Variants in ERMP1 observed in about 807,000 individuals in gnomAD.
The protein encoded by ERMP1 is Felix-ina.
ERMP1 carries 86 observed loss-of-function variants against 92.0 expected under a neutral mutation model. The ratio of observed to expected loss-of-function variants is 0.93; its 90% CI spans 0.79 to 1.12. The LOEUF (loss-of-function observed/expected upper bound fraction) is 1.12, where lower values mean the gene tolerates loss of function less well. Among genes scored for constraint, ERMP1 ranks in the 50% most tolerant of loss-of-function variants. ERMP1 has a pLI of 0.00. For missense variants in ERMP1, 1,342 were observed against 1,116.3 expected, an observed-to-expected ratio of 1.20 and a Z score of -2.88; for synonymous variants, 530 against 412.8, an observed-to-expected ratio of 1.28 and a Z score of -3.44.
chr9:5,799,422 G>A (rs1226716495), intron 11 of ERMP1, among the ~76,000 whole-genome samples: 1 of 152,108 alleles, frequency 6.6e-6, no homozygotes, highest in Non-Finnish European at 1.5e-5. Flanking sequence ...ACCACTAGAT[G>A]ACAGCCTTGT....
At chr9:5,811,380 T>A (rs1187873094) in intron 6 of ERMP1, 57 bp from the exon 7 acceptor site, 1 of 1,346,022 alleles carries the variant, frequency 7.4e-7, no homozygotes, top group Non-Finnish European at 1.0e-6. Context: ...AAAGGCTGAA[T>A]AAACTATTTG....
chr9:5,790,501 TG>T (rs1211175222), intron 13 of ERMP1, among the ~76,000 whole-genome samples: 1 of 152,206 alleles, frequency 6.6e-6, no homozygotes, highest in Non-Finnish European at 1.5e-5. Flanking sequence ...AATTTCAACT[TG>T]GCTTACAAAG....
At chr9:5,799,763 G>A (rs1049166978) in intron 11 of ERMP1, among the ~76,000 whole-genome samples, 2 of 152,160 alleles carry the variant, frequency 1.3e-5, no homozygotes, top group Admixed American at 6.5e-5. Context: ...CTGGCACAGT[G>A]GAAGAGAACC....
upstream of ERMP1, chr9:5,833,154 T>A (rs1285231191): frequency 1.3e-5 from 11 of 860,426 alleles, no homozygotes; most frequent in Non-Finnish European, 1.5e-5. Flanking sequence ...CCAAACTTCT[T>A]CTGATTGGCC....
Position 5,865,922 on chromosome 9 carries a change from A to G in ERMP1, n.3055+1880T>C, listed in dbSNP as rs200591993. Among the ~76,000 whole-genome samples the G allele has an allele frequency of 1.3e-4, 20 of 151,944 alleles. No individual in the cohort carries two copies. In the East Asian group the frequency reaches 2.9e-3, roughly 22 times the overall value. The stretch of plus-strand genomic sequence containing the variant: ...ATGAGTTCAGAAGAAAATACAGCTA[A>G]AAGTTAGCAGGGTTTATATCTGGGT... On this transcript the variant is annotated intron_variant and non_coding_transcript_variant, in intron 5 of 6. Transcript: ENST00000690753.
intron 6 of ERMP1, among the ~76,000 whole-genome samples, chr9:5,847,074 A>G (rs1156361740): frequency 1.3e-5 from 2 of 152,160 alleles, no homozygotes; most frequent in Non-Finnish European, 2.9e-5. Context: ...CTCAGCTACA[A>G]AGAATGCCCA....
chr9:5,862,889 A>G (rs1005665254), intron 5 of ERMP1, among the ~76,000 whole-genome samples: 1 of 152,232 alleles, frequency 6.6e-6, no homozygotes, highest in African/African-American at 2.4e-5. Context: ...ATAAAATGCA[A>G]TAAGAAAGCC....
At chr9:5,797,988 T>TA in intron 12 of ERMP1, 56 bp from the exon 13 acceptor site, 3 of 1,063,148 alleles carry the variant, frequency 2.8e-6, no homozygotes, top group South Asian at 2.5e-5. Context: ...TGGCTATCTG[T>TA]AACTCACAGA....
upstream of ERMP1, among the ~76,000 whole-genome samples, chr9:5,837,809 A>G (rs1830112012): frequency 6.6e-6 from 1 of 152,202 alleles, no homozygotes; most frequent in South Asian, 2.1e-4. Context: ...ATCACATTGA[A>G]AAAGCATTTT....
In ERMP1 at chr9:5,825,458, CAG is replaced by C. The variant is rs573009913; in HGVS notation, c.641-241_641-240del. Among the ~76,000 whole-genome samples, 52 of 152,326 alleles carry C rather than the reference CAG, an allele frequency of 3.4e-4. No homozygotes were observed. The East Asian group carries it at 9.4e-3, about 28-fold the overall frequency. ...ATGCCTACTACCATGCCTGACCCAC[CAG>C]AGTCACTCAATTAGTGTCTGCTAAA... is the stretch of plus-strand genomic sequence containing the variant. On this transcript the variant is annotated intron_variant, in intron 2 of 14. Transcript: ENST00000339450.
intron 4 of ERMP1, among the ~76,000 whole-genome samples, chr9:5,821,008 G>GA (rs779042808): frequency 2.6e-5 from 4 of 152,026 alleles, no homozygotes; most frequent in Non-Finnish European, 4.4e-5. Context: ...CCTAGAGGGA[G>GA]AAAAAATCAT....
At chr9:5,812,723 T>C (rs1283162579) in intron 5 of ERMP1, 166 bp downstream of exon 5, 6 of 747,516 alleles carry the variant, frequency 8.0e-6, no homozygotes, top group East Asian at 2.7e-5. Flanking sequence ...TAAATTAGTA[T>C]GGAGTTTAAA....
intron 6 of ERMP1, among the ~76,000 whole-genome samples, chr9:5,842,062 T>C (rs1586835352): frequency 1.3e-5 from 2 of 151,828 alleles, no homozygotes; most frequent in Admixed American, 1.3e-4. Flanking sequence ...CATATAAAGG[T>C]AGTGCGGACC....
intron 5 of ERMP1, among the ~76,000 whole-genome samples, chr9:5,859,998 A>C (rs1830439961): frequency 6.6e-6 from 1 of 152,208 alleles, no homozygotes; most frequent in African/African-American, 2.4e-5. Flanking sequence ...AGCTCAACTT[A>C]AGTTTATTAA....
intron 6 of ERMP1, among the ~76,000 whole-genome samples, chr9:5,844,365 C>T (rs745675270): frequency 6.6e-6 from 1 of 152,332 alleles, no homozygotes; most frequent in African/African-American, 2.4e-5. Context: ...ACCTCTGTCT[C>T]CCAGGTTCAA....
chr9:5,833,757 A>C (rs1165551816), upstream of ERMP1, among the ~76,000 whole-genome samples: 1 of 152,210 alleles, frequency 6.6e-6, no homozygotes, highest in Non-Finnish European at 1.5e-5. Context: ...GAAGAATGTA[A>C]ATCTAATTTC....
At chr9:5,805,239 G>C in intron 9 of ERMP1, 22 bp from the exon 10 acceptor site, 1 of 1,566,566 alleles carries the variant, frequency 6.4e-7, no homozygotes, top group African/African-American at 1.4e-5. Context: ...GAGAAAAAAA[G>C]CACACATCTA....
chr9:5,811,411 T>G (rs772224352), intron 6 of ERMP1, 88 bp from the exon 7 acceptor site: 30 of 946,862 alleles, frequency 3.2e-5, no homozygotes, highest in Non-Finnish European at 1.4e-5. Context: ...ATACCACTAT[T>G]TAAAGCAGAA....
rs575616826 is a variant in ERMP1 at position 5,827,356 on chromosome 9, T to C, written c.641-2137A>G. ...CTAACACTAACAATCACTGATGAGCTAAAAAATAAAATAAAAATTGAAAAA... is the reference window on the plus strand; with the variant it reads ...CTAACACTAACAATCACTGATGAGCCAAAAAATAAAATAAAAATTGAAAAA... On this transcript the variant is annotated intron_variant, in intron 2 of 14. Transcript: ENST00000339450. Among the ~76,000 whole-genome samples, 5 of 151,990 alleles carry C rather than the reference T, an allele frequency of 3.3e-5. No homozygotes were observed. The South Asian group carries it at 1.0e-3, about 32-fold the overall frequency.
Sources: allele counts gnomAD v4.1 joint callset (sites outside exome capture counted in the v4.1 genomes callset), GRCh38; gene constraint gnomAD v4.1.1; transcripts MANE v1.5; gene names NCBI Gene and HGNC (gene_info 2026-07-23, HGNC 2026-07-21).